The following PTPRD variants were observed in gnomAD, a reference collection of about 807,000 sequenced individuals.
PTPRD encodes protein tyrosine phosphatase receptor type D.
In PTPRD, 34 loss-of-function variants were observed where a neutral mutation model predicts 214.5. The ratio of observed to expected loss-of-function variants is 0.16; its 90% CI spans 0.12 to 0.21. The LOEUF (loss-of-function observed/expected upper bound fraction) is 0.21, where lower values mean the gene tolerates loss of function less well. PTPRD is among the 10% of genes least tolerant of loss of function. PTPRD has a pLI of 1.00. For missense variants in PTPRD, 2,545 were observed against 2,398.7 expected, an observed-to-expected ratio of 1.06 and a Z score of -1.27; for synonymous variants, 1,128 against 845.7, an observed-to-expected ratio of 1.33 and a Z score of -5.79.
intron 4 of PTPRD, among the ~76,000 whole-genome samples, chr9:9,945,571 T>C (rs10739205): frequency 0.57 from 85,876 of 151,988 alleles, 27,203 homozygotes; most frequent in East Asian, 0.91. Context: ...AGTTAAGTAA[T>C]GCAAGTTGAA....
At chr9:9,829,353 C>T (rs923702965) in intron 5 of PTPRD, among the ~76,000 whole-genome samples, 2 of 151,658 alleles carry the variant, frequency 1.3e-5, no homozygotes, top group Non-Finnish European at 2.9e-5. Flanking sequence ...TAAAACAAGT[C>T]CATATTTATT....
At chr9:8,914,197 T>TA (rs1346930905) in intron 11 of PTPRD, among the ~76,000 whole-genome samples, 2 of 152,198 alleles carry the variant, frequency 1.3e-5, no homozygotes, top group Admixed American at 1.3e-4. Context: ...TCAATAATTT[T>TA]AATGTAATAA....
At chr9:9,261,273 A>AT (rs1438632606) in intron 9 of PTPRD, among the ~76,000 whole-genome samples, 1 of 151,800 alleles carries the variant, frequency 6.6e-6, no homozygotes, top group Non-Finnish European at 1.5e-5. Flanking sequence ...TATAGGCTTC[A>AT]TTTTTTAGAA....
intron 7 of PTPRD, among the ~76,000 whole-genome samples, chr9:9,704,309 T>A (rs547083111): frequency 6.6e-6 from 1 of 151,972 alleles, no homozygotes; most frequent in African/African-American, 2.4e-5. Flanking sequence ...AAAAAAAAAA[T>A]TGTAGCCCTT....
chr9:9,414,384 C>CTTT (rs2076384178), intron 8 of PTPRD, among the ~76,000 whole-genome samples: 1 of 152,092 alleles, frequency 6.6e-6, no homozygotes, highest in Non-Finnish European at 1.5e-5. Flanking sequence ...AAGGTCTTTG[C>CTTT]ATCAAAAAAT....
intron 3 of PTPRD, among the ~76,000 whole-genome samples, chr9:10,137,960 T>C (rs922144718): frequency 2.0e-5 from 3 of 151,826 alleles, no homozygotes; most frequent in African/African-American, 4.8e-5. Flanking sequence ...AAATTAATAA[T>C]CTAACATCAC....
At chr9:9,066,383 A>C (rs142440787) in intron 10 of PTPRD, among the ~76,000 whole-genome samples, 131 of 152,144 alleles carry the variant, frequency 8.6e-4, no homozygotes, top group African/African-American at 3.1e-3. Context: ...TCTTGTGTTC[A>C]TTTTGGTAGT....
At chr9:10,357,700 G>C (rs944745201) in intron 2 of PTPRD, among the ~76,000 whole-genome samples, 1 of 152,114 alleles carries the variant, frequency 6.6e-6, no homozygotes, top group African/African-American at 2.4e-5. Flanking sequence ...CAAAAGAATG[G>C]CTACTCCATA....
chr9:10,567,927 A>T (rs1414259149), intron 2 of PTPRD, among the ~76,000 whole-genome samples: 1 of 150,276 alleles, frequency 6.7e-6, no homozygotes, highest in Non-Finnish European at 1.5e-5. Flanking sequence ...TTTATTTTTT[A>T]TTTTTTTATT....
chr9:9,116,580 T>C (rs547821244), intron 10 of PTPRD, among the ~76,000 whole-genome samples: 5 of 152,136 alleles, frequency 3.3e-5, no homozygotes, highest in South Asian at 4.1e-4. Context: ...AATTCATCCA[T>C]GTAACCCAAA....
At chr9:10,060,808 CTTT>C (rs2097753326) in intron 3 of PTPRD, among the ~76,000 whole-genome samples, 1 of 109,470 alleles carries the variant, frequency 9.1e-6, no homozygotes, top group Non-Finnish European at 1.8e-5. Flanking sequence ...TTCTTCCTTT[CTTT>C]CTTTCTTTCT....
chr9:8,663,670 T>C (rs2097112545), intron 12 of PTPRD, among the ~76,000 whole-genome samples: 1 of 152,082 alleles, frequency 6.6e-6, no homozygotes, highest in South Asian at 2.1e-4. Context: ...TTTTGTATTT[T>C]ATTAGAGATG....
intron 9 of PTPRD, among the ~76,000 whole-genome samples, chr9:9,369,873 T>G (rs2058962493): frequency 6.6e-6 from 1 of 152,210 alleles, no homozygotes; most frequent in Admixed American, 6.5e-5. Flanking sequence ...AGGGAATCCT[T>G]TCCCCATTGC....
intron 3 of PTPRD, among the ~76,000 whole-genome samples, chr9:10,181,254 A>G (rs62537313): frequency 0.13 from 19,198 of 152,100 alleles, 1,574 homozygotes; most frequent in South Asian, 0.22. Flanking sequence ...AAAATGTAAG[A>G]TATCATTTGC....
chr9:8,445,868 C>G (rs1263482358), intron 34 of PTPRD, among the ~76,000 whole-genome samples: 1 of 152,090 alleles, frequency 6.6e-6, no homozygotes, highest in Non-Finnish European at 1.5e-5. Context: ...TTGCCACTAA[C>G]GAACTAGTGG....
At chr9:9,675,563 C>T (rs1048920618) in intron 7 of PTPRD, among the ~76,000 whole-genome samples, 1 of 151,612 alleles carries the variant, frequency 6.6e-6, no homozygotes, top group Non-Finnish European at 1.5e-5. Context: ...CAGTCATATA[C>T]ATTCAAAGTA....
At chr9:8,451,166 C>A (rs1460915443) in intron 33 of PTPRD, among the ~76,000 whole-genome samples, 1 of 152,142 alleles carries the variant, frequency 6.6e-6, no homozygotes, top group Non-Finnish European at 1.5e-5. Context: ...ACAAAGGGGA[C>A]GTGCACATGA....
At chr9:9,981,288 G>C (rs1368947684) in intron 4 of PTPRD, among the ~76,000 whole-genome samples, 1 of 151,496 alleles carries the variant, frequency 6.6e-6, no homozygotes, top group African/African-American at 2.4e-5. Flanking sequence ...AAAATTGTAA[G>C]ATGCTGAACA....
intron 3 of PTPRD, among the ~76,000 whole-genome samples, chr9:10,302,901 C>G (rs1452423258): frequency 6.6e-6 from 1 of 152,158 alleles, no homozygotes; most frequent in South Asian, 2.1e-4. Flanking sequence ...CAGCTCTGAA[C>G]CAAGTGGACC....
Sources: allele counts gnomAD v4.1 joint callset (sites outside exome capture counted in the v4.1 genomes callset), GRCh38; gene constraint gnomAD v4.1.1; transcripts MANE v1.5; gene names NCBI Gene and HGNC (gene_info 2026-07-23, HGNC 2026-07-21).